Variants in EYS observed in about 807,000 individuals in gnomAD.
The protein encoded by EYS is EGF-like photoreceptor maintenance factor, also known as protein eyes shut homolog.
EYS carries 250 observed loss-of-function variants against 282.1 expected under a neutral mutation model. The ratio of observed to expected loss-of-function variants is 0.89; its 90% CI spans 0.80 to 0.98. EYS has a LOEUF of 0.98. EYS is among the 50% of genes least tolerant of loss of function. The probability of loss-of-function intolerance (pLI) is 0.00; values close to 1 mark genes in which losing one functional copy is unlikely to be tolerated. For missense variants in EYS, 4,016 were observed against 3,709.0 expected, an observed-to-expected ratio of 1.08 and a Z score of -2.15; for synonymous variants, 1,355 against 1,282.9, an observed-to-expected ratio of 1.06 and a Z score of -1.20.
chr6:65,489,631 T>C (rs1358717037), intron 5 of EYS: 1 of 152,122 alleles, frequency 6.6e-6, no homozygotes, highest in Non-Finnish European at 1.5e-5. Context: ...GCTGGGCATA[T>C]ACCCAAAGGA....
At chr6:65,655,558 C>T (rs1428496690) in intron 1 of EYS, among the ~76,000 whole-genome samples, 2 of 151,732 alleles carry the variant, frequency 1.3e-5, no homozygotes, top group Non-Finnish European at 2.9e-5. Flanking sequence ...AAAACCCAGA[C>T]TTAAGGATTT....
intron 19 of EYS, among the ~76,000 whole-genome samples, chr6:64,830,048 A>G (rs1765170158): frequency 2.6e-5 from 4 of 152,062 alleles, no homozygotes; most frequent in Admixed American, 2.6e-4. Flanking sequence ...GCAAATTCAC[A>G]TGTTGAAATC....
rs532618904 is a variant in EYS, at chr6:65,148,691, A to G, written c.2024-90964T>C. 5.3e-5 allele frequency among the ~76,000 whole-genome samples: 8 copies of G among 152,118 alleles called. No individual in the cohort carries two copies. The South Asian group carries it at 1.7e-3, about 32-fold the overall frequency. Reference sequence around the variant, plus strand: ...CTCTGGGTGGGGACTCTGAACCCACATTTCCCTTCTGCACTGTTCTAGCAG... The same window carrying G: ...CTCTGGGTGGGGACTCTGAACCCACGTTTCCCTTCTGCACTGTTCTAGCAG... On this transcript the variant is annotated intron_variant, in intron 12 of 42. Transcript: ENST00000503581.
chr6:63,952,448 T>C (rs1343862850), intron 35 of EYS, among the ~76,000 whole-genome samples: 1 of 152,166 alleles, frequency 6.6e-6, no homozygotes, highest in East Asian at 1.9e-4. Context: ...CCCTTCTTAA[T>C]CAATATGGAG....
At chr6:63,810,079 T>TA (rs59987621) in intron 36 of EYS, among the ~76,000 whole-genome samples, 1,500 of 136,398 alleles carry the variant, frequency 0.011, 26 homozygotes, top group African/African-American at 0.036. Flanking sequence ...GCCTCTACTT[T>TA]AAAAAAAAAA....
At chr6:64,872,649 T>C (rs142776883) in intron 19 of EYS, among the ~76,000 whole-genome samples, 38 of 152,140 alleles carry the variant, frequency 2.5e-4, no homozygotes, top group East Asian at 2.3e-3. Context: ...CTTTCCTTAA[T>C]CCTCACCCAC....
At chr6:64,079,884 C>A (rs564386784) in intron 32 of EYS, among the ~76,000 whole-genome samples, 2 of 152,292 alleles carry the variant, frequency 1.3e-5, no homozygotes, top group East Asian at 1.9e-4. Flanking sequence ...CATGTCCCAA[C>A]AAAGGACATG....
At chr6:64,910,365 G>C (rs1390918791) in intron 16 of EYS, among the ~76,000 whole-genome samples, 1 of 152,078 alleles carries the variant, frequency 6.6e-6, no homozygotes, top group Admixed American at 6.6e-5. Context: ...TAAAAGCAAT[G>C]TTACAGCCTT....
At chr6:64,926,947 C>G (rs1229224864) in intron 15 of EYS, among the ~76,000 whole-genome samples, 1 of 151,940 alleles carries the variant, frequency 6.6e-6, no homozygotes, top group Non-Finnish European at 1.5e-5. Flanking sequence ...GATTTTTTTA[C>G]AAAAGAAAGC....
At chr6:64,872,913 A>G (rs768260133) in intron 19 of EYS, among the ~76,000 whole-genome samples, 1 of 152,036 alleles carries the variant, frequency 6.6e-6, no homozygotes. Context: ...GACTTGATCA[A>G]TATGCTCACA....
At chr6:65,435,729 C>A (rs1044909923) in intron 5 of EYS, among the ~76,000 whole-genome samples, 1 of 152,040 alleles carries the variant, frequency 6.6e-6, no homozygotes, top group Admixed American at 6.6e-5. Context: ...CAGCCCCCAC[C>A]CCAATAATTC....
chr6:64,536,295 G>A (rs1764516750), intron 26 of EYS, among the ~76,000 whole-genome samples: 1 of 151,938 alleles, frequency 6.6e-6, no homozygotes, highest in Non-Finnish European at 1.5e-5. Flanking sequence ...TAAAACAAAT[G>A]GAACAAAAGG....
At chr6:64,230,353 T>A (rs1399655556) in intron 31 of EYS, among the ~76,000 whole-genome samples, 1 of 152,194 alleles carries the variant, frequency 6.6e-6, no homozygotes, top group African/African-American at 2.4e-5. Flanking sequence ...AACTTCTATT[T>A]TATATGGCAA....
chr6:65,545,087 G>C (rs1188268920), intron 2 of EYS, among the ~76,000 whole-genome samples: 1 of 152,070 alleles, frequency 6.6e-6, no homozygotes, highest in Non-Finnish European at 1.5e-5. Context: ...AATTGGGAAA[G>C]AGACTTTTCA....
intron 36 of EYS, among the ~76,000 whole-genome samples, chr6:63,858,515 C>T (rs962446628): frequency 1.3e-5 from 2 of 152,098 alleles, no homozygotes; most frequent in East Asian, 3.9e-4. Flanking sequence ...TTTCCCTGAG[C>T]AAGAGGAAAG....
intron 34 of EYS, among the ~76,000 whole-genome samples, chr6:63,998,675 A>G (rs1345011633): frequency 3.3e-5 from 5 of 152,182 alleles, no homozygotes; most frequent in African/African-American, 9.6e-5. Flanking sequence ...GCCAATGCAA[A>G]TCTGGAAGAC....
intron 35 of EYS, among the ~76,000 whole-genome samples, chr6:63,936,485 C>T (rs957634826): frequency 1.3e-5 from 2 of 152,174 alleles, no homozygotes; most frequent in South Asian, 2.1e-4. Flanking sequence ...CCTAAAGCCC[C>T]CAGCTTACTG....
At chr6:64,433,746 T>C (rs1056661457) in intron 28 of EYS, among the ~76,000 whole-genome samples, 4 of 152,046 alleles carry the variant, frequency 2.6e-5, no homozygotes, top group African/African-American at 4.8e-5. Context: ...ATTCTTGGGA[T>C]TTAAAAAATC....
chr6:65,638,305 T>G (rs1225016584), intron 2 of EYS, among the ~76,000 whole-genome samples: 1 of 152,142 alleles, frequency 6.6e-6, no homozygotes, highest in Non-Finnish European at 1.5e-5. Context: ...CACCCTCCAG[T>G]TGTCCGCATA....
Sources: gnomAD v4.1 joint callset for allele counts (sites outside exome capture counted in the v4.1 genomes callset) on GRCh38, gnomAD v4.1.1 for gene constraint, MANE v1.5 for transcripts, NCBI Gene and HGNC (gene_info 2026-07-23, HGNC 2026-07-21) for gene names.